The following PSMD14 variants were observed in gnomAD, a reference collection of about 807,000 sequenced individuals.
PSMD14 encodes the protein ubiquitin C-terminal hydrolase PSMD14.
A neutral mutation model predicts 41.2 loss-of-function variants in PSMD14; 7 were observed. The ratio of observed to expected loss-of-function variants is 0.17; its 90% confidence interval spans 0.10 to 0.32. PSMD14 has a LOEUF of 0.32. Ranked by LOEUF, PSMD14 falls within the 10% of genes least tolerant of loss-of-function variation. The pLI is 1.00. For missense variants in PSMD14, 139 were observed against 375.6 expected, an observed-to-expected ratio of 0.37 and a Z score of 5.21; for synonymous variants, 114 against 122.3, an observed-to-expected ratio of 0.93 and a Z score of 0.45.
At chr2:161,314,820 T>G (rs1375931765) in intron 1 of PSMD14, among the ~76,000 whole-genome samples, 2 of 152,246 alleles carry the variant, frequency 1.3e-5, no homozygotes, top group African/African-American at 4.8e-5. Flanking sequence ...GGTGGACATT[T>G]GGACTGTTTC....
At chr2:161,377,320 T>G (rs1574135483) in intron 7 of PSMD14, among the ~76,000 whole-genome samples, 1 of 151,918 alleles carries the variant, frequency 6.6e-6, no homozygotes, top group Non-Finnish European at 1.5e-5. Context: ...CATAGCTCTA[T>G]GAGCATACCC....
chr2:161,396,451 T>TA (rs915828322), intron 10 of PSMD14, among the ~76,000 whole-genome samples: 6 of 152,034 alleles, frequency 3.9e-5, no homozygotes, highest in Admixed American at 1.3e-4. Context: ...ATTCAGCCAT[T>TA]AAAAAAAGGA....
At chr2:161,322,183 C>G (rs530676090) in intron 3 of PSMD14, among the ~76,000 whole-genome samples, 4 of 152,224 alleles carry the variant, frequency 2.6e-5, no homozygotes, top group Admixed American at 2.0e-4. Flanking sequence ...CAGATTATTA[C>G]GCAACAAAGA....
chr2:161,379,076 A>G (rs530471183), intron 7 of PSMD14, among the ~76,000 whole-genome samples: 19 of 152,148 alleles, frequency 1.2e-4, no homozygotes, highest in African/African-American at 4.1e-4. Flanking sequence ...CCATGCTAAC[A>G]AAGTTGAGCC....
At chr2:161,348,286 G>A (rs1222574726) in intron 3 of PSMD14, among the ~76,000 whole-genome samples, 1 of 152,062 alleles carries the variant, frequency 6.6e-6, no homozygotes, top group African/African-American at 2.4e-5. Context: ...AAATATTTTA[G>A]GCTCATGGAC....
intron 3 of PSMD14, among the ~76,000 whole-genome samples, chr2:161,345,170 T>C (rs995837691): frequency 1.3e-4 from 20 of 151,776 alleles, no homozygotes; most frequent in African/African-American, 4.8e-4. Flanking sequence ...TTGTTAAAGA[T>C]CAATGGACTA....
At chr2:161,338,263 C>T (rs1345445601) in intron 3 of PSMD14, among the ~76,000 whole-genome samples, 2 of 151,348 alleles carry the variant, frequency 1.3e-5, no homozygotes, top group East Asian at 1.9e-4. Context: ...TCTGAAACTG[C>T]GTTTGTGTGT....
chr2:161,338,365 A>C (rs978712439), intron 3 of PSMD14, among the ~76,000 whole-genome samples: 1 of 150,796 alleles, frequency 6.6e-6, no homozygotes, highest in South Asian at 2.1e-4. Flanking sequence ...TTTTGGAAAG[A>C]AAAACTTCTC....
In PSMD14 at chr2:161,314,666, C is replaced by T. The variant is rs373421994; in HGVS notation, c.-137-1771C>T. Reference sequence around the variant, plus strand: ...GAGCTTTTGTGCCTGGCTTCTTTTACATAGTGTGATGTTTTGAGGTTCAGC... The same window carrying T: ...GAGCTTTTGTGCCTGGCTTCTTTTATATAGTGTGATGTTTTGAGGTTCAGC... On this transcript the variant is annotated intron_variant, in intron 1 of 11. Transcript: ENST00000409682. Among the ~76,000 whole-genome samples, 16 of 152,332 alleles carry T rather than the reference C, an allele frequency of 1.1e-4. No individual in the cohort carries two copies. The East Asian group carries it at 2.3e-3, about 22-fold the overall frequency.
At chr2:161,381,649 G>A (rs1683572522) in intron 7 of PSMD14, 1 of 151,792 alleles carries the variant, frequency 6.6e-6, no homozygotes, top group Non-Finnish European at 1.5e-5. Flanking sequence ...AAAATAAATA[G>A]CATATTGGAT....
chr2:161,364,183 C>T lies in PSMD14; in HGVS notation c.49-3295C>T, dbSNP rs887087095. Among the ~76,000 whole-genome samples the T allele has an allele frequency of 8.5e-5, 13 of 152,270 alleles. No homozygotes were observed. In the South Asian group the frequency reaches 1.0e-3, roughly 12 times the overall value. On this transcript the variant is annotated intron_variant, in intron 3 of 11. Coordinates refer to ENST00000409682, the MANE Select transcript of PSMD14 (RefSeq NM_005805.6). ...ATTCTGCTGGTTGATAGCCTGCCTG[C>T]GTGCTGGTTTGCTCATACCCCAGTG...
intron 3 of PSMD14, among the ~76,000 whole-genome samples, chr2:161,331,286 G>A (rs1201667789): frequency 2.7e-5 from 4 of 150,172 alleles, no homozygotes; most frequent in African/African-American, 4.9e-5. Flanking sequence ...TTTTTAAGAC[G>A]GAGTCTCACT....
At chr2:161,333,530 A>T (rs1682824317) in intron 3 of PSMD14, among the ~76,000 whole-genome samples, 1 of 152,246 alleles carries the variant, frequency 6.6e-6, no homozygotes, top group Admixed American at 6.5e-5. Context: ...AGGGCTCTGG[A>T]GTTAGGCCAG....
intron 3 of PSMD14, among the ~76,000 whole-genome samples, chr2:161,335,069 C>T (rs1405188686): frequency 6.6e-6 from 1 of 152,178 alleles, no homozygotes; most frequent in Non-Finnish European, 1.5e-5. Context: ...GCCTTTTATG[C>T]TTCTAATTAA....
intron 3 of PSMD14, among the ~76,000 whole-genome samples, chr2:161,365,285 T>TGC (rs1225972369): frequency 1.3e-5 from 2 of 152,192 alleles, no homozygotes. Context: ...TCGAGGTAAC[T>TGC]CTAGTTGGTA....
intron 10 of PSMD14, among the ~76,000 whole-genome samples, chr2:161,397,795 T>G (rs559175308): frequency 6.6e-6 from 1 of 152,304 alleles, no homozygotes; most frequent in South Asian, 2.1e-4. Flanking sequence ...TTATAGTGTT[T>G]CAACTGGAAA....
At position 161,357,076 on chromosome 2, in the gene PSMD14, C is replaced by CTTTTTTTTTTTTTT. The variant is rs71281822; in HGVS notation, c.49-10390_49-10389insTTTTTTTTTTTTTT. On this transcript the variant is annotated intron_variant, in intron 3 of 11. Coordinates refer to ENST00000409682, the MANE Select transcript of PSMD14 (RefSeq NM_005805.6). Reference sequence around the variant, plus strand: ...TTTATGCTGTTATAATGGCAAATGCCTTTTTTTTTTTTAGCACTTAGTCAA... The same window carrying CTTTTTTTTTTTTTT: ...TTTATGCTGTTATAATGGCAAATGCCTTTTTTTTTTTTTTTTTTTTTTTTTTAGCACTTAGTCAA... Among the ~76,000 whole-genome samples, 34 of 124,170 alleles carry CTTTTTTTTTTTTTT rather than the reference C, an allele frequency of 2.7e-4. 6 individuals carry two copies. The East Asian group carries it at 7.7e-3, about 28-fold the overall frequency. The allele number at this position is 124,170 out of a possible 152,430, so 81.5% of individuals were successfully genotyped here.
At chr2:161,327,420 C>T (rs768898927) in intron 3 of PSMD14, among the ~76,000 whole-genome samples, 1 of 151,994 alleles carries the variant, frequency 6.6e-6, no homozygotes, top group African/African-American at 2.4e-5. Context: ...GTTCAGTTAC[C>T]GTATCTTTAA....
At chr2:161,365,194 A>C (rs1387248650) in intron 3 of PSMD14, among the ~76,000 whole-genome samples, 1 of 152,206 alleles carries the variant, frequency 6.6e-6, no homozygotes, top group Non-Finnish European at 1.5e-5. Flanking sequence ...TATGTTTCTG[A>C]ATCAGAAGAA....
Sources: gnomAD v4.1 joint callset for allele counts (sites outside exome capture counted in the v4.1 genomes callset) on GRCh38, gnomAD v4.1.1 for gene constraint, MANE v1.5 for transcripts, NCBI Gene and HGNC (gene_info 2026-07-23, HGNC 2026-07-21) for gene names.